The following TDRD6 variants were observed in gnomAD, a reference collection of about 807,000 sequenced individuals.
The protein encoded by TDRD6 is tudor domain-containing protein 6.
Under a neutral mutation model 157.5 loss-of-function variants are expected in TDRD6, and 186 were observed. That is an observed-to-expected ratio of 1.18 (90% CI 1.05 to 1.33). The LOEUF (loss-of-function observed/expected upper bound fraction) is 1.33. TDRD6 is among the 40% of genes most tolerant of loss of function. The probability of loss-of-function intolerance (pLI) is 0.00; values close to 1 mark genes in which losing one functional copy is unlikely to be tolerated. For missense variants in TDRD6, 3,066 were observed against 2,508.0 expected (o/e 1.22, Z -4.75); for synonymous variants, 1,075 against 945.2 (o/e 1.14, Z -2.52).
In TDRD6 at chr6:46,690,204, T is replaced by C; in HGVS notation, c.2076T>C (p.Thr692=). Residue 692 remains threonine (T), a synonymous_variant, in exon 1 of 4, where the codon ACT becomes ACC. Transcript: ENST00000316081. The part of the protein sequence containing the change: ...HSPGHVSNHF[T]TESNKIPFAK... The stretch of plus-strand genomic sequence containing the variant: ...CAGGGCATGTTTCAAACCACTTTAC[T>C]ACGGAGAGTAACAAAATACCTTTTG... 1.2e-6 allele frequency: 2 copies of C among 1,613,900 alleles called. No individual in the cohort carries two copies. Among genetic ancestry groups the C allele is most frequent in the Non-Finnish European group, 1.7e-6 (2 of 1,180,034 alleles).
rs945276675 is a variant in TDRD6, at chr6:46,702,308, G to C, written c.*421G>C. 6.5e-6 allele frequency: 1 copy of C among 153,134 alleles called. No homozygotes were observed. Among genetic ancestry groups the C allele is most frequent in the Non-Finnish European group, 1.5e-5 (1 of 68,750 alleles). The allele number at this position is 153,134 out of a possible 1,614,324, so 9.5% of individuals were successfully genotyped here. ...TAGCAGGATCTCCTTCAGAATTTTTGTCTTGACTTTGAATCTTTGCCTGTT... is the reference window on the plus strand; with the variant it reads ...TAGCAGGATCTCCTTCAGAATTTTTCTCTTGACTTTGAATCTTTGCCTGTT... On this transcript the variant is annotated 3_prime_UTR_variant, in exon 4 of 4. Transcript: ENST00000316081.
At position 46,700,965 on chromosome 6, in the gene TDRD6, G is replaced by C. The variant is rs371266594; in HGVS notation, c.6262-893G>C. ...TGAATTATTTTGTACTCGTGATAAA[G>C]AATCAATAGCAATTCAAAGGTTCCT... On this transcript the variant is annotated intron_variant, in intron 3 of 3. Transcript: ENST00000316081. 862 of 396,026 alleles carry C rather than the reference G, an allele frequency of 2.2e-3. 15 individuals carry two copies. The highest frequency in any genetic ancestry group is 0.017 in the South Asian group (843 of 50,980). 24.5% of individuals were successfully genotyped at this position (396,026 alleles called of 1,614,324 possible). A position where few individuals can be genotyped will look rare whatever the true frequency, so the allele number is the denominator to read the frequency against.
Position 46,693,617 on chromosome 6 carries a change from T to G in TDRD6, c.5489T>G (p.Leu1830Arg). ...LPHANETKEI[L>R]ELNSLEVPLS... ...CATGCTAATGAAACAAAGGAGATAC[T>G]AGAACTGAATTCACTTGAGGTGCCG... The change falls in exon 1 of 4, where the codon CTA becomes CGA. Residue 1830 changes from leucine to arginine, a missense_variant. Coordinates refer to ENST00000316081, the MANE Select transcript of TDRD6 (RefSeq NM_001010870.3). 6.2e-7 allele frequency: 1 copy of G among 1,614,196 alleles called. No individual in the cohort carries two copies.
Position 46,688,683 on chromosome 6 carries a change from T to A in TDRD6, c.555T>A (p.Pro185=). The stretch of plus-strand genomic sequence containing the variant: ...ATCGCCTGGTCCTCCTGGAGGTGCC[T>A]GATGTGTTCCAACAGATGCGGGAGC... The part of the protein sequence containing the change: ...LLHRLVLLEV[P]DVFQQMRELG... The change falls in exon 1 of 4, where the codon CCT becomes CCA. Residue 185 remains proline (P), a synonymous_variant. Coordinates refer to ENST00000316081, the MANE Select transcript of TDRD6 (RefSeq NM_001010870.3). 1 of 1,600,286 alleles carries A rather than the reference T, an allele frequency of 6.2e-7. No homozygotes were observed. Among genetic ancestry groups the A allele is most frequent in the African/African-American group, 1.3e-5 (1 of 75,044 alleles).
rs139947735 is a variant in TDRD6 at position 46,694,095 on chromosome 6, G to A, written c.5967G>A (p.Ser1989=). The A allele has an allele frequency of 1.1e-5, 18 of 1,610,130 alleles. No homozygotes were observed. The highest frequency in any genetic ancestry group is 4.4e-5 in the South Asian group (4 of 90,036). The change falls in exon 1 of 4, where the codon TCG becomes TCA. Residue 1989 remains serine, a synonymous_variant. Transcript: ENST00000316081. The part of the protein sequence containing the change: ...FVEYKNRDAI[S]ALMPLFSEEE... ...AGTATAAAAACAGGGATGCCATTTCGGCATTGATGCCTTTGTTCTCTGAGG... is the reference window on the plus strand; with the variant it reads ...AGTATAAAAACAGGGATGCCATTTCAGCATTGATGCCTTTGTTCTCTGAGG...
intron 3 of TDRD6, among the ~76,000 whole-genome samples, chr6:46,701,387 T>G (rs1764620362): frequency 6.6e-6 from 1 of 152,174 alleles, no homozygotes; most frequent in Admixed American, 6.5e-5. Context: ...AAATAATCTC[T>G]TGGAATTTCT....
At chr6:46,701,836 A>G in intron 3 of TDRD6, 22 bp from the exon 4 acceptor site, 1 of 1,612,382 alleles carries the variant, frequency 6.2e-7, no homozygotes, top group Non-Finnish European at 8.5e-7. Flanking sequence ...CTCAGTTTGA[A>G]GTTTTTCTCT....
At chr6:46,684,011 A>G (rs1764024506), upstream of TDRD6, among the ~76,000 whole-genome samples, 1 of 152,040 alleles carries the variant, frequency 6.6e-6, no homozygotes, top group African/African-American at 2.4e-5. Context: ...CGTTATATCC[A>G]TTTTCAGATA....
chr6:46,696,193 T>C (rs114042554), intron 2 of TDRD6, among the ~76,000 whole-genome samples: 39 of 152,198 alleles, frequency 2.6e-4, no homozygotes, highest in African/African-American at 8.9e-4. Context: ...AGTTCCACAC[T>C]TTACACATCT....
intron 3 of TDRD6, chr6:46,700,891 T>A (rs1764608354): frequency 7.0e-6 from 2 of 286,210 alleles, no homozygotes. Context: ...TAGAAATACA[T>A]TTTGTTGTTT....
chr6:46,696,334 G>C (rs1345639707), intron 2 of TDRD6, among the ~76,000 whole-genome samples: 2 of 151,272 alleles, frequency 1.3e-5, no homozygotes, highest in Non-Finnish European at 2.9e-5. Context: ...TGGTGTCAGG[G>C]TGAAGTTTGT....
rs777016277 is a variant in TDRD6, at chr6:46,694,080, CAG to C, written c.5953_5954del (p.Arg1985GlyfsTer12). ...CEEEFVEYKN[R>X]DAISALMPLF... is the part of the protein sequence containing the mutation. Reference sequence around the variant, plus strand: ...AAGAAGAATTTGTAGAGTATAAAAACAGGGATGCCATTTCGGCATTGATGCCT... The same window carrying C: ...AAGAAGAATTTGTAGAGTATAAAAACGGATGCCATTTCGGCATTGATGCCT... On this transcript the variant is annotated frameshift_variant, in exon 1 of 4. Transcript: ENST00000316081. LOFTEE classifies it high-confidence loss of function. The C allele has an allele frequency of 3.7e-6, 6 of 1,612,734 alleles. No individual in the cohort carries two copies. Among genetic ancestry groups the C allele is most frequent in the African/African-American group, 2.7e-5 (2 of 74,862 alleles).
Position 46,691,338 on chromosome 6 carries a change from TTATG to T in TDRD6, c.3213_3216del (p.Tyr1071Ter). On this transcript the variant is annotated frameshift_variant, in exon 1 of 4. Coordinates refer to ENST00000316081, the MANE Select transcript of TDRD6 (RefSeq NM_001010870.3). LOFTEE classifies it high-confidence loss of function. Reference sequence around the variant, plus strand: ...TCTTCTTTGTTGATTTTGGGAATATTTATGTAGTAACAAGTGATGATCTGCTTCC... The same window carrying T: ...TCTTCTTTGTTGATTTTGGGAATATTTAGTAACAAGTGATGATCTGCTTCC... 6.2e-7 allele frequency: 1 copy of T among 1,614,034 alleles called. No individual in the cohort carries two copies. Among genetic ancestry groups the T allele is most frequent in the Non-Finnish European group, 8.5e-7 (1 of 1,179,910 alleles).
Position 46,695,891 on chromosome 6 carries a change from A to G in TDRD6, c.6117A>G (p.Leu2039=), listed in dbSNP as rs1246238819. 1 of 1,613,746 alleles carries G rather than the reference A, an allele frequency of 6.2e-7. No homozygotes were observed. The part of the protein sequence containing the change: ...VGSKCVVWSS[L]RNTWSKCEIL... Reference sequence around the variant, plus strand: ...CTAAATGTGTTGTGTGGTCAAGTCTAAGAAACACATGGTCTAAATGTGAGA... The same window carrying G: ...CTAAATGTGTTGTGTGGTCAAGTCTGAGAAACACATGGTCTAAATGTGAGA... Residue 2039 remains leucine (L), a synonymous_variant, in exon 2 of 4, where the codon CTA becomes CTG. Transcript: ENST00000316081.
intron 3 of TDRD6, among the ~76,000 whole-genome samples, chr6:46,699,357 G>T (rs1398746220): frequency 6.6e-6 from 1 of 152,080 alleles, no homozygotes; most frequent in Non-Finnish European, 1.5e-5. Flanking sequence ...TCTTTTCCTG[G>T]TTCCACTGGC....
rs190037103 is a variant in TDRD6, at chr6:46,690,705, G to T, written c.2577G>T (p.Met859Ile). ...VTFVDYGDRE[M>I]VSVKNIYSIS... ...TTGTAGATTATGGAGACAGAGAAAT[G>T]GTATCTGTGAAGAATATTTATTCAA... Residue 859 changes from methionine to isoleucine, a missense_variant, in exon 1 of 4, where the codon ATG (methionine) becomes ATT (isoleucine). By Grantham distance (10) the Met-to-Ile change is conservative. Coordinates refer to ENST00000316081, the MANE Select transcript of TDRD6 (RefSeq NM_001010870.3). The T allele has an allele frequency of 5.6e-6, 9 of 1,614,058 alleles. No individual in the cohort carries two copies. The highest frequency in any genetic ancestry group is 7.6e-6 in the Non-Finnish European group (9 of 1,179,946).
rs1764653973 is a variant in TDRD6 at position 46,702,723 on chromosome 6, C to T, written c.*836C>T. 6.6e-6 allele frequency: 1 copy of T among 152,108 alleles called. No homozygotes were observed. Among genetic ancestry groups the T allele is most frequent in the African/African-American group, 2.4e-5 (1 of 41,444 alleles). 9.4% of individuals were successfully genotyped at this position (152,108 alleles called of 1,614,324 possible). A position where few individuals can be genotyped will look rare whatever the true frequency, so the allele number is the denominator to read the frequency against. On this transcript the variant is annotated 3_prime_UTR_variant, in exon 4 of 4. Coordinates refer to ENST00000316081, the MANE Select transcript of TDRD6 (RefSeq NM_001010870.3). ...CTCAGAGGCTTGATCAAACCCAGAC[C>T]TACCTAACTTTGAAGCCCATGACTT...
In TDRD6 at chr6:46,687,986, A is replaced by T; in HGVS notation, c.-143A>T. On this transcript the variant is annotated 5_prime_UTR_variant, in exon 1 of 4. It adds an upstream start codon to the 5' untranslated region. Coordinates refer to ENST00000316081, the MANE Select transcript of TDRD6 (RefSeq NM_001010870.3). ...CCTCGACGGGGGAGTTGCCGAGAAAAGGCCTCGCCGGCATTCTTCCCCTCC... is the reference window on the plus strand; with the variant it reads ...CCTCGACGGGGGAGTTGCCGAGAAATGGCCTCGCCGGCATTCTTCCCCTCC... The T allele has an allele frequency of 3.9e-6, 5 of 1,278,590 alleles. No homozygotes were observed. The highest frequency in any genetic ancestry group is 5.1e-6 in the Non-Finnish European group (5 of 985,972). 79.2% of individuals were successfully genotyped at this position (1,278,590 alleles called of 1,614,324 possible). A position where few individuals can be genotyped will look rare whatever the true frequency, so the allele number is the denominator to read the frequency against.
chr6:46,690,771 G>A lies in TDRD6; in HGVS notation c.2643G>A (p.Arg881=). ...EFLKVKAQAF[R]CSLYNLIQPV... is the part of the protein sequence containing the mutation. ...TGAAGGTTAAGGCACAGGCTTTTAG[G>A]TGCAGTCTTTATAATTTAATTCAAC... The change falls in exon 1 of 4, where the codon AGG becomes AGA. Residue 881 remains arginine, a synonymous_variant. Transcript: ENST00000316081. 1 of 1,614,120 alleles carries A rather than the reference G, an allele frequency of 6.2e-7. No homozygotes were observed. Among genetic ancestry groups the A allele is most frequent in the African/African-American group, 1.3e-5 (1 of 75,036 alleles).
Sources: gnomAD v4.1 joint callset for allele counts (sites outside exome capture counted in the v4.1 genomes callset) on GRCh38, gnomAD v4.1.1 for gene constraint, MANE v1.5 for transcripts, NCBI Gene and HGNC (gene_info 2026-07-23, HGNC 2026-07-21) for gene names.